Variants in ME3 observed in about 807,000 individuals in gnomAD.
The protein encoded by ME3 is malic enzyme 3.
ME3 carries 48 observed loss-of-function variants against 68.9 expected under a neutral mutation model. That is an observed-to-expected ratio of 0.70 (90% CI 0.55 to 0.89). The LOEUF is 0.89. Ranked by LOEUF, ME3 falls within the 40% of genes least tolerant of loss-of-function variation. ME3 has a pLI of 0.00. For synonymous variants in ME3, 320 were observed against 318.8 expected (o/e 1.00, Z -0.04); for missense variants, 675 against 797.4 (o/e 0.85, Z 1.85).
chr11:86,582,857 T>A (rs542110527), intron 2 of ME3, among the ~76,000 whole-genome samples: 9 of 151,268 alleles, frequency 5.9e-5, no homozygotes, highest in Non-Finnish European at 8.8e-5. Flanking sequence ...GAGGCCCAGT[T>A]GTTTCCACCG....
At chr11:86,569,615 T>C (rs960643305) in intron 2 of ME3, among the ~76,000 whole-genome samples, 3 of 152,318 alleles carry the variant, frequency 2.0e-5, no homozygotes, top group African/African-American at 4.8e-5. Context: ...TTATTGCACA[T>C]AATATCATCA....
intron 2 of ME3, among the ~76,000 whole-genome samples, chr11:86,581,522 C>G (rs747359832): frequency 6.6e-6 from 1 of 152,202 alleles, no homozygotes; most frequent in Non-Finnish European, 1.5e-5. Flanking sequence ...AAAGGACTCA[C>G]TAAATTAATG....
intron 4 of ME3, among the ~76,000 whole-genome samples, chr11:86,532,262 G>A (rs547873962): frequency 5.9e-5 from 9 of 152,272 alleles, no homozygotes; most frequent in African/African-American, 1.4e-4. Flanking sequence ...GAGATAGACT[G>A]CAATACAATA....
chr11:86,571,859 G>C (rs1301377828), intron 2 of ME3, among the ~76,000 whole-genome samples: 3 of 152,210 alleles, frequency 2.0e-5, no homozygotes, highest in African/African-American at 4.8e-5. Context: ...GGCCACACCT[G>C]GGAGGCAGCA....
intron 4 of ME3, among the ~76,000 whole-genome samples, chr11:86,544,677 AC>A (rs1480051517): frequency 2.0e-5 from 3 of 152,172 alleles, no homozygotes; most frequent in African/African-American, 7.2e-5. Flanking sequence ...TAGCCTACCA[AC>A]CAAAAACAGC....
intron 2 of ME3, among the ~76,000 whole-genome samples, chr11:86,626,783 A>G (rs949257332): frequency 5.9e-5 from 9 of 152,236 alleles, no homozygotes; most frequent in African/African-American, 1.7e-4. Context: ...AATTTGGCAC[A>G]TGGGCCACAG....
chr11:86,658,262 T>G (rs1031827202), intron 2 of ME3, among the ~76,000 whole-genome samples: 1 of 152,020 alleles, frequency 6.6e-6, no homozygotes, highest in Admixed American at 6.6e-5. Context: ...TAGATAGGAT[T>G]ACAGGCATGC....
chr11:86,569,745 A>G (rs1957687078), intron 2 of ME3, among the ~76,000 whole-genome samples: 2 of 152,166 alleles, frequency 1.3e-5, no homozygotes, highest in East Asian at 3.8e-4. Context: ...AGGTATGATG[A>G]TTATTATCCC....
intron 7 of ME3, among the ~76,000 whole-genome samples, chr11:86,476,158 C>T (rs573284468): frequency 2.6e-5 from 4 of 152,284 alleles, no homozygotes; most frequent in South Asian, 2.1e-4. Context: ...TTTGGCAGGA[C>T]GCTCAGTTCT....
intron 2 of ME3, among the ~76,000 whole-genome samples, chr11:86,577,315 G>A (rs1334247041): frequency 2.6e-5 from 4 of 152,218 alleles, no homozygotes; most frequent in Non-Finnish European, 5.9e-5. Flanking sequence ...GGTCCTCACA[G>A]CACTCTGCTG....
chr11:86,640,710 C>T (rs1944614892), intron 2 of ME3, among the ~76,000 whole-genome samples: 1 of 152,210 alleles, frequency 6.6e-6, no homozygotes, highest in African/African-American at 2.4e-5. Context: ...CTCTCATCAC[C>T]TCTCTTCCTA....
At chr11:86,654,766 G>C (rs1945738307) in intron 2 of ME3, among the ~76,000 whole-genome samples, 1 of 152,170 alleles carries the variant, frequency 6.6e-6, no homozygotes, top group Non-Finnish European at 1.5e-5. Flanking sequence ...GCAGGAGAAG[G>C]AAATAAAGGT....
At chr11:86,549,800 A>G (rs1413494850) in intron 4 of ME3, among the ~76,000 whole-genome samples, 1 of 152,202 alleles carries the variant, frequency 6.6e-6, no homozygotes, top group Non-Finnish European at 1.5e-5. Context: ...TGGCAGATGT[A>G]GAACTCCCCT....
chr11:86,646,797 A>G (rs962877930), intron 2 of ME3, among the ~76,000 whole-genome samples: 12 of 152,206 alleles, frequency 7.9e-5, no homozygotes, highest in African/African-American at 2.4e-5. Flanking sequence ...AAGGGCAGCC[A>G]GAGGGAAAGG....
intron 6 of ME3, among the ~76,000 whole-genome samples, chr11:86,492,876 T>G (rs1952084492): frequency 6.6e-6 from 1 of 152,266 alleles, no homozygotes; most frequent in African/African-American, 2.4e-5. Context: ...TTATCTTGCA[T>G]AGCAACAGGC....
At chr11:86,567,624 T>C (rs930508750) in intron 2 of ME3, among the ~76,000 whole-genome samples, 6 of 152,228 alleles carry the variant, frequency 3.9e-5, no homozygotes, top group Non-Finnish European at 7.3e-5. Flanking sequence ...TTTTCTTGGC[T>C]GACTGCCGCC....
intron 2 of ME3, among the ~76,000 whole-genome samples, chr11:86,604,977 T>A (rs919443532): frequency 1.3e-5 from 2 of 152,200 alleles, no homozygotes; most frequent in African/African-American, 2.4e-5. Flanking sequence ...TAAAAAGAAA[T>A]GCACCACTCA....
chr11:86,626,213 A>G (rs1027394409), intron 2 of ME3, among the ~76,000 whole-genome samples: 1 of 152,154 alleles, frequency 6.6e-6, no homozygotes, highest in African/African-American at 2.4e-5. Context: ...AACTGCCTTT[A>G]TGCTTGGCTC....
chr11:86,527,394 G>A (rs1472816409), intron 4 of ME3, among the ~76,000 whole-genome samples: 1 of 152,216 alleles, frequency 6.6e-6, no homozygotes, highest in Non-Finnish European at 1.5e-5. Context: ...TCTGACTGGT[G>A]TACCTGAAAG....
Sources: gnomAD v4.1 joint callset for allele counts (sites outside exome capture counted in the v4.1 genomes callset) on GRCh38, gnomAD v4.1.1 for gene constraint, MANE v1.5 for transcripts, NCBI Gene and HGNC (gene_info 2026-07-23, HGNC 2026-07-21) for gene names.